The following CELSR1 variants were observed in gnomAD, a reference collection of about 807,000 sequenced individuals.
CELSR1 encodes adhesion G protein-coupled receptor C1.
A neutral mutation model predicts 249.1 loss-of-function variants in CELSR1; 110 were observed. The ratio of observed to expected loss-of-function variants is 0.44; its 90% CI spans 0.38 to 0.52. CELSR1 has a LOEUF of 0.52. Ranked by LOEUF, CELSR1 falls within the 20% of genes least tolerant of loss-of-function variation. The probability of loss-of-function intolerance (pLI) is 0.00; values close to 1 mark genes in which losing one functional copy is unlikely to be tolerated. For missense variants in CELSR1, 4,109 were observed against 4,296.4 expected (o/e 0.96, Z 1.22); for synonymous variants, 2,113 against 1,900.0 (o/e 1.11, Z -2.92).
intron 2 of CELSR1, chr22:46,462,838 G>A (rs1211785938): frequency 2.4e-6 from 1 of 421,478 alleles, no homozygotes; most frequent in East Asian, 8.7e-5. Flanking sequence ...GGCTACATTT[G>A]GAGTAATTCA....
intron 19 of CELSR1, among the ~76,000 whole-genome samples, chr22:46,386,070 A>G (rs1309196469): frequency 6.6e-6 from 1 of 151,158 alleles, no homozygotes; most frequent in African/African-American, 2.4e-5. Context: ...CCCAGGTTCA[A>G]GTGATTCTCC....
In CELSR1 at chr22:46,363,261, G is replaced by T; in HGVS notation, c.9036-14C>A. ...TCATTACTGCCTCTGCGCGTGGGAA[G>T]AAGCCAGCAAGCAGGTGAAGGGTCA... On this transcript the variant is annotated splice_polypyrimidine_tract_variant and intron_variant, in intron 34 of 34. Coordinates refer to ENST00000674500, the MANE Select transcript of CELSR1 (RefSeq NM_001378328.1). This position sits in a 1 kb window ranked among gnomAD's most constrained non-coding sequence, Gnocchi z 4.3. The T allele has an allele frequency of 6.2e-7, 1 of 1,610,262 alleles. No homozygotes were observed.
intron 1 of CELSR1, among the ~76,000 whole-genome samples, chr22:46,504,875 A>G (rs2080499983): frequency 6.6e-6 from 1 of 152,236 alleles, no homozygotes; most frequent in African/African-American, 2.4e-5. Flanking sequence ...CTGAAATGTT[A>G]TATGAAAAAG....
chr22:46,403,628 A>T (rs937489552), intron 9 of CELSR1, among the ~76,000 whole-genome samples: 3 of 152,122 alleles, frequency 2.0e-5, no homozygotes, highest in African/African-American at 7.2e-5. Context: ...TACTTGATGT[A>T]TATAGAACAG....
chr22:46,379,500 G>A (rs926297417), intron 22 of CELSR1, among the ~76,000 whole-genome samples: 8 of 152,228 alleles, frequency 5.3e-5, no homozygotes, highest in Non-Finnish European at 1.0e-4. Context: ...TTGCCAGGAC[G>A]CAGATGAATG....
rs781480642 is a variant in CELSR1, at chr22:46,535,086, A to G, written c.2085T>C (p.Arg695=). The change falls in exon 1 of 35, where the codon CGT becomes CGC. Residue 695 remains arginine (R), a synonymous_variant. Coordinates refer to ENST00000674500, the MANE Select transcript of CELSR1 (RefSeq NM_001378328.1). ...TCCCCACGGCCGCATCCTCATTCAG[A>G]CGAAGCTCGTAGGTGGGCTGCGTGA... ...PVFTQPTYEL[R]LNEDAAVGSS... 2.5e-6 allele frequency: 4 copies of G among 1,612,192 alleles called. No individual in the cohort carries two copies. Among genetic ancestry groups the G allele is most frequent in the Non-Finnish European group, 3.4e-6 (4 of 1,179,946 alleles).
At chr22:46,498,381 G>A (rs9616024) in intron 1 of CELSR1, among the ~76,000 whole-genome samples, 20,945 of 150,462 alleles carry the variant, frequency 0.14, 1,624 homozygotes, top group South Asian at 0.23. Flanking sequence ...AGGCCAAGGC[G>A]GATGGATCGC....
intron 1 of CELSR1, among the ~76,000 whole-genome samples, chr22:46,483,380 C>T (rs188671195): frequency 0.016 from 2,269 of 142,544 alleles, 33 homozygotes; most frequent in Non-Finnish European, 0.025. Context: ...ACATGCTATT[C>T]CTGACTTTTT....
rs943784311 is a variant in CELSR1, at chr22:46,484,125, C to T, written c.3545-19780G>A. ...GTAGGGAGGAGCGCCCCAGGCCTTC[C>T]GCCCAGAAATCCAAGGGTACAGGGC... On this transcript the variant is annotated intron_variant, in intron 1 of 34. Coordinates refer to ENST00000674500, the MANE Select transcript of CELSR1 (RefSeq NM_001378328.1). The surrounding 1 kb of genome is among the most constrained non-coding windows in gnomAD (Gnocchi z 4.5). Among the ~76,000 whole-genome samples, 11 of 152,206 alleles carry T rather than the reference C, an allele frequency of 7.2e-5. No homozygotes were observed. In the South Asian group the frequency reaches 1.2e-3, roughly 17 times the overall value.
intron 1 of CELSR1, chr22:46,481,365 G>T: frequency 1.2e-6 from 1 of 855,032 alleles, no homozygotes; most frequent in East Asian, 2.5e-5. Context: ...TCACCTTCTC[G>T]GTCATAGTTG....
chr22:46,409,718 G>T lies in CELSR1; in HGVS notation c.5059+37C>A. The T allele has an allele frequency of 6.2e-7, 1 of 1,608,382 alleles. No homozygotes were observed. On this transcript the variant is annotated intron_variant, in intron 8 of 34. Coordinates refer to ENST00000674500, the MANE Select transcript of CELSR1 (RefSeq NM_001378328.1). This position sits in a 1 kb window ranked among gnomAD's most constrained non-coding sequence, Gnocchi z 9.8. Reference sequence around the variant, plus strand: ...ATCAAGGAGCAATGCCTCCCAGGCCGCCGTGACCGGGGGGATGGACGACGC... The same window carrying T: ...ATCAAGGAGCAATGCCTCCCAGGCCTCCGTGACCGGGGGGATGGACGACGC...
At chr22:46,397,545 A>G in intron 12 of CELSR1, 129 bp downstream of exon 12, 1 of 840,552 alleles carries the variant, frequency 1.2e-6, no homozygotes, top group Non-Finnish European at 1.7e-6. Context: ...GTTATAAAAT[A>G]AAGCTCAGGG....
Position 46,517,977 on chromosome 22 carries a change from A to G in CELSR1, c.3544+15650T>C, listed in dbSNP as rs2080646080. 6.7e-6 allele frequency among the ~76,000 whole-genome samples: 1 copy of G among 149,480 alleles called. No individual in the cohort carries two copies. The highest frequency in any genetic ancestry group is 6.7e-5 in the Admixed American group (1 of 14,866). On this transcript the variant is annotated intron_variant, in intron 1 of 34. Coordinates refer to ENST00000674500, the MANE Select transcript of CELSR1 (RefSeq NM_001378328.1). This position sits in a 1 kb window ranked among gnomAD's most constrained non-coding sequence, Gnocchi z 5.4. ...GAGTGCAATGGCAGGATTTTGGCTC[A>G]CTGCAACCTCTGCCTCCTGCGTTCA...
At chr22:46,405,114 T>C (rs934221315) in intron 9 of CELSR1, among the ~76,000 whole-genome samples, 2 of 151,052 alleles carry the variant, frequency 1.3e-5, no homozygotes, top group South Asian at 2.2e-4. Context: ...CGTGAGCCAC[T>C]GCACCCAGCC....
At position 46,396,565 on chromosome 22, in the gene CELSR1, G is replaced by A. The variant is rs1423954731; in HGVS notation, c.5843+40C>T. The A allele has an allele frequency of 6.7e-7, 1 of 1,495,832 alleles. No homozygotes were observed. The highest frequency in any genetic ancestry group is 1.4e-5 in the African/African-American group (1 of 69,954). 92.7% of individuals were successfully genotyped at this position (1,495,832 alleles called of 1,614,324 possible). A position where few individuals can be genotyped will look rare whatever the true frequency, so the allele number is the denominator to read the frequency against. On this transcript the variant is annotated intron_variant, in intron 13 of 34. Transcript: ENST00000674500. This position sits in a 1 kb window ranked among gnomAD's most constrained non-coding sequence, Gnocchi z 6.4. ...TGAGTCGAGGGAACACAGCCACATG[G>A]ACTCTGAAGGTGCAGGGAGGCACCA... is the stretch of plus-strand genomic sequence containing the variant.
Position 46,398,187 on chromosome 22 carries a change from G to A in CELSR1, c.5526+337C>T, listed in dbSNP as rs2079171897. 6.6e-6 allele frequency among the ~76,000 whole-genome samples: 1 copy of A among 152,078 alleles called. No individual in the cohort carries two copies. The highest frequency in any genetic ancestry group is 1.5e-5 in the Non-Finnish European group (1 of 67,998). ...CTGGAACCCCTGGCTCCAGGGGACA[G>A]GCACGGGGCCCACTTGGGTGACGTC... On this transcript the variant is annotated intron_variant, in intron 11 of 34. Transcript: ENST00000674500. The surrounding 1 kb of genome is among the most constrained non-coding windows in gnomAD (Gnocchi z 7.2).
chr22:46,434,677 G>A lies in CELSR1; in HGVS notation c.4523-1196C>T, dbSNP rs996103626. On this transcript the variant is annotated intron_variant, in intron 4 of 34. Coordinates refer to ENST00000674500, the MANE Select transcript of CELSR1 (RefSeq NM_001378328.1). The surrounding 1 kb of genome is among the most constrained non-coding windows in gnomAD (Gnocchi z 4.9). ...CTTGGTGAACTTCCAGGTGAAGGAG[G>A]AGATGGCAGAATTCACTCCTGAAAG... Among the ~76,000 whole-genome samples, 4 of 152,314 alleles carry A rather than the reference G, an allele frequency of 2.6e-5. No individual in the cohort carries two copies. In the East Asian group the frequency reaches 5.8e-4, roughly 22 times the overall value.
chr22:46,441,695 C>G lies in CELSR1; in HGVS notation c.4184-2284G>C, dbSNP rs1312981349. Among the ~76,000 whole-genome samples the G allele has an allele frequency of 6.6e-6, 1 of 152,216 alleles. No homozygotes were observed. Among genetic ancestry groups the G allele is most frequent in the East Asian group, 1.9e-4 (1 of 5,168 alleles). ...TCTAATTGCAGCCTGGGGGCCCCAC[C>G]CCATGACCTCATCTAAACCTAATCA... On this transcript the variant is annotated intron_variant, in intron 2 of 34. Coordinates refer to ENST00000674500, the MANE Select transcript of CELSR1 (RefSeq NM_001378328.1). The surrounding 1 kb of genome is among the most constrained non-coding windows in gnomAD (Gnocchi z 6.1).
At chr22:46,453,723 A>G (rs957538213) in intron 2 of CELSR1, among the ~76,000 whole-genome samples, 4 of 152,184 alleles carry the variant, frequency 2.6e-5, no homozygotes, top group African/African-American at 7.2e-5. Flanking sequence ...CAGAGGCTCA[A>G]TTCGGACTCT....
Sources: allele counts gnomAD v4.1 joint callset (sites outside exome capture counted in the v4.1 genomes callset), GRCh38; gene constraint gnomAD v4.1.1; non-coding constraint Gnocchi (gnomAD v3.1); transcripts MANE v1.5; gene names NCBI Gene and HGNC (gene_info 2026-07-23, HGNC 2026-07-21).